The following EFR3B variants were observed in gnomAD, a reference collection of about 807,000 sequenced individuals.
EFR3B encodes EFR3 homolog B, also known as protein EFR3 homolog B.
EFR3B carries 64 observed loss-of-function variants against 104.7 expected under a neutral mutation model. That is an observed-to-expected ratio of 0.61 (90% CI 0.50 to 0.75). The LOEUF is 0.75. EFR3B is among the 30% of genes least tolerant of loss of function. The pLI, the probability that EFR3B is intolerant of heterozygous loss-of-function variation, is 0.00. For missense variants in EFR3B, 750 were observed against 1,078.5 expected, an observed-to-expected ratio of 0.70 and a Z score of 4.27; for synonymous variants, 385 against 417.9, an observed-to-expected ratio of 0.92 and a Z score of 0.96.
At position 25,149,634 on chromosome 2, in the gene EFR3B, A is replaced by G. The variant is rs1670946691; in HGVS notation, c.2143-60A>G. The G allele has an allele frequency of 3.3e-6, 5 of 1,515,062 alleles. No individual in the cohort carries two copies. The South Asian group carries it at 3.6e-5, about 11-fold the overall frequency. The allele number at this position is 1,515,062 out of a possible 1,614,324, so 93.9% of individuals were successfully genotyped here. On this transcript the variant is annotated intron_variant, in intron 19 of 22. Transcript: ENST00000403714. ...GGGCTGCCAGAGAGCTGGGGGTGCCAGGGCTGCCTCCTTTCTCTGCCCCCT... is the reference window on the plus strand; with the variant it reads ...GGGCTGCCAGAGAGCTGGGGGTGCCGGGGCTGCCTCCTTTCTCTGCCCCCT...
intron 2 of EFR3B, among the ~76,000 whole-genome samples, chr2:25,091,674 G>A (rs547110859): frequency 3.9e-5 from 6 of 152,336 alleles, no homozygotes; most frequent in Non-Finnish European, 7.3e-5. Context: ...CTGTCCAACC[G>A]AGACATCTTT....
chr2:25,064,461 G>A (rs1397613930), intron 1 of EFR3B, among the ~76,000 whole-genome samples: 1 of 152,202 alleles, frequency 6.6e-6, no homozygotes, highest in East Asian at 1.9e-4. Context: ...GCTGCCTGCT[G>A]ACCACAATAG....
intron 4 of EFR3B, among the ~76,000 whole-genome samples, chr2:25,119,531 T>A (rs951477155): frequency 2.0e-5 from 3 of 152,230 alleles, no homozygotes; most frequent in Admixed American, 2.0e-4. Flanking sequence ...TCTGGAACTC[T>A]CCTGAACTTG....
intron 19 of EFR3B, chr2:25,147,176 AGGGAGCAT>A (rs1670841300): frequency 6.6e-6 from 1 of 152,234 alleles, no homozygotes; most frequent in African/African-American, 2.4e-5. Context: ...GCTCTTGCCC[AGGGAGCAT>A]CCCTTCTCTC....
intron 1 of EFR3B, among the ~76,000 whole-genome samples, chr2:25,056,591 G>A (rs1558583324): frequency 6.6e-6 from 1 of 151,670 alleles, no homozygotes; most frequent in Non-Finnish European, 1.5e-5. Context: ...TGCAGTACAG[G>A]TCTTCAGGTC....
At chr2:25,141,493 G>A (rs1162354641) in intron 17 of EFR3B, 60 bp downstream of exon 17, 1 of 1,531,706 alleles carries the variant, frequency 6.5e-7, no homozygotes, top group Non-Finnish European at 8.8e-7. Flanking sequence ...AAGCAGGTGG[G>A]TGGTCTGAGG....
chr2:25,123,072 A>G (rs1223454686), intron 5 of EFR3B, among the ~76,000 whole-genome samples: 1 of 152,202 alleles, frequency 6.6e-6, no homozygotes, highest in Non-Finnish European at 1.5e-5. Flanking sequence ...ATAAAATCAC[A>G]GAGAAATTGA....
intron 6 of EFR3B, among the ~76,000 whole-genome samples, chr2:25,128,976 A>G (rs1670248263): frequency 1.4e-5 from 2 of 141,526 alleles, no homozygotes; most frequent in African/African-American, 5.2e-5. Context: ...AAAAAAAAAA[A>G]AAAAAAAAAA....
intron 1 of EFR3B, among the ~76,000 whole-genome samples, chr2:25,071,062 G>A (rs1234775011): frequency 6.6e-6 from 1 of 152,082 alleles, no homozygotes; most frequent in African/African-American, 2.4e-5. Flanking sequence ...CCGGGTTCAT[G>A]CCATTCTCCT....
Position 25,137,683 on chromosome 2 carries a change from C to A in EFR3B, c.1722+181C>A, listed in dbSNP as rs893682594. Reference sequence around the variant, plus strand: ...CAAACCATGGTCCTGTTTGGGGAACCCCAAAGAATGCTTCATTCATGGTCT... The same window carrying A: ...CAAACCATGGTCCTGTTTGGGGAACACCAAAGAATGCTTCATTCATGGTCT... On this transcript the variant is annotated intron_variant, in intron 15 of 22. Coordinates refer to ENST00000403714, the MANE Select transcript of EFR3B (RefSeq NM_014971.2). The surrounding 1 kb of genome is among the most constrained non-coding windows in gnomAD (Gnocchi z 4.7). Among the ~76,000 whole-genome samples the A allele has an allele frequency of 6.6e-5, 10 of 152,178 alleles. No homozygotes were observed. Among genetic ancestry groups the A allele is most frequent in the Non-Finnish European group, 1.2e-4 (8 of 68,036 alleles).
At chr2:25,065,078 GC>G (rs1558586946) in intron 1 of EFR3B, among the ~76,000 whole-genome samples, 1 of 146,462 alleles carries the variant, frequency 6.8e-6, no homozygotes, top group African/African-American at 2.6e-5. Context: ...TTCCCACCTG[GC>G]GGGGGGGGCG....
chr2:25,042,107 C>T lies in EFR3B; in HGVS notation c.-206C>T, dbSNP rs912081787. 29 of 345,100 alleles carry T rather than the reference C, an allele frequency of 8.4e-5. No individual in the cohort carries two copies. Among genetic ancestry groups the T allele is most frequent in the East Asian group, 4.9e-5 (1 of 20,244 alleles). 21.4% of individuals were successfully genotyped at this position (345,100 alleles called of 1,614,324 possible). On this transcript the variant is annotated 5_prime_UTR_variant, in exon 1 of 23. Transcript: ENST00000403714. This position sits in a 1 kb window ranked among gnomAD's most constrained non-coding sequence, Gnocchi z 5.4. ...GCCCAGCAACCCGAGCGGAGGCGGC[C>T]GCTGCAGCCCGGCGCTGAATGGGCT...
chr2:25,132,013 A>C, intron 10 of EFR3B, 102 bp downstream of exon 10: 13 of 63,288 alleles, frequency 2.1e-4, no homozygotes, highest in Non-Finnish European at 2.7e-4. Context: ...ACTGAGGCGC[A>C]GGGCGGGGTG....
rs11379149 is a variant in EFR3B at position 25,045,783 on chromosome 2, CAA to C, written c.7+3477_7+3478del. Among the ~76,000 whole-genome samples, 126 of 138,600 alleles carry C rather than the reference CAA, an allele frequency of 9.1e-4. 1 individual carries two copies. The highest frequency in any genetic ancestry group is 3.2e-3 in the African/African-American group (120 of 38,002). The allele number at this position is 138,600 out of a possible 152,430, so 90.9% of individuals were successfully genotyped here. The stretch of plus-strand genomic sequence containing the variant: ...GGGAGACAAGAGCGAGACTCCATCT[CAA>C]AAAAAAAAAAAATTATATAGCTAAG... On this transcript the variant is annotated intron_variant, in intron 1 of 22. Coordinates refer to ENST00000403714, the MANE Select transcript of EFR3B (RefSeq NM_014971.2).
At chr2:25,052,877 AT>A (rs1317037026) in intron 1 of EFR3B, among the ~76,000 whole-genome samples, 1 of 152,178 alleles carries the variant, frequency 6.6e-6, no homozygotes, top group Non-Finnish European at 1.5e-5. Flanking sequence ...TATGTCTTAT[AT>A]AATCTTCCCC....
At chr2:25,153,181 C>T (rs1481342393) in intron 21 of EFR3B, among the ~76,000 whole-genome samples, 1 of 152,078 alleles carries the variant, frequency 6.6e-6, no homozygotes, top group African/African-American at 2.4e-5. Context: ...TAGCAAAACT[C>T]CATCTCTACT....
At chr2:25,101,046 C>T (rs934642416) in intron 3 of EFR3B, among the ~76,000 whole-genome samples, 2 of 152,216 alleles carry the variant, frequency 1.3e-5, no homozygotes, top group Admixed American at 1.3e-4. Flanking sequence ...TTCTAAAGCA[C>T]TCCCAAATCT....
Position 25,136,745 on chromosome 2 carries a change from A to G in EFR3B, c.1560+147A>G. 1.5e-6 allele frequency: 1 copy of G among 664,542 alleles called. No homozygotes were observed. Among genetic ancestry groups the G allele is most frequent in the Non-Finnish European group, 2.6e-6 (1 of 390,604 alleles). 41.2% of individuals were successfully genotyped at this position (664,542 alleles called of 1,614,324 possible). A position where few individuals can be genotyped will look rare whatever the true frequency, so the allele number is the denominator to read the frequency against. On this transcript the variant is annotated intron_variant, in intron 14 of 22. Transcript: ENST00000403714. The surrounding 1 kb of genome is among the most constrained non-coding windows in gnomAD (Gnocchi z 4.0). ...AGCCAGACCAACATGGTAAAATCCCATCTTTACTAAAGCTACAAAAATTAA... is the reference window on the plus strand; with the variant it reads ...AGCCAGACCAACATGGTAAAATCCCGTCTTTACTAAAGCTACAAAAATTAA...
intron 5 of EFR3B, among the ~76,000 whole-genome samples, chr2:25,123,815 C>G (rs1174793998): frequency 6.6e-6 from 1 of 152,254 alleles, no homozygotes; most frequent in African/African-American, 2.4e-5. Flanking sequence ...CGCACACATG[C>G]ACACAGACAC....
Sources: gnomAD v4.1 joint callset for allele counts (sites outside exome capture counted in the v4.1 genomes callset) on GRCh38, gnomAD v4.1.1 for gene constraint, Gnocchi (gnomAD v3.1) non-coding constraint, MANE v1.5 for transcripts, NCBI Gene and HGNC (gene_info 2026-07-23, HGNC 2026-07-21) for gene names.